The following PICALM variants were observed in gnomAD, a reference collection of about 807,000 sequenced individuals.
PICALM encodes the protein phosphatidylinositol-binding clathrin assembly protein.
A neutral mutation model predicts 80.5 loss-of-function variants in PICALM; 40 were observed. The observed-to-expected ratio is 0.50, with a 90% CI of 0.39 to 0.65. The LOEUF is 0.65. PICALM is among the 30% of genes least tolerant of loss of function. The pLI is 0.00. For synonymous variants in PICALM, 288 were observed against 260.3 expected (o/e 1.11, Z -1.02); for missense variants, 676 against 778.9 (o/e 0.87, Z 1.57).
intron 2 of PICALM, among the ~76,000 whole-genome samples, chr11:86,027,751 G>A (rs1272123297): frequency 6.6e-6 from 1 of 151,900 alleles, no homozygotes; most frequent in East Asian, 1.9e-4. Flanking sequence ...GAACTCTTGG[G>A]CTCAAGCAAT....
intron 1 of PICALM, 127 bp downstream of exon 1, chr11:86,068,524 C>T (rs1156787783): frequency 3.5e-6 from 3 of 849,004 alleles, no homozygotes; most frequent in African/African-American, 1.7e-5. Flanking sequence ...GGCACAGGAC[C>T]GGCCGTGCCA....
intron 12 of PICALM, among the ~76,000 whole-genome samples, chr11:85,993,833 G>A (rs1042155448): frequency 3.9e-5 from 6 of 152,048 alleles, no homozygotes; most frequent in Non-Finnish European, 8.8e-5. Flanking sequence ...TCATATTATC[G>A]CCTTTAAGTC....
chr11:85,973,892 T>C (rs588380), intron 19 of PICALM, among the ~76,000 whole-genome samples: 93,880 of 145,948 alleles, frequency 0.64, 29,356 homozygotes, highest in African/African-American at 0.72. Flanking sequence ...TATAATTAAC[T>C]ACTTCTAGAT....
chr11:85,986,407 G>A (rs1296710208), intron 13 of PICALM, among the ~76,000 whole-genome samples: 11 of 85,584 alleles, frequency 1.3e-4, no homozygotes, highest in South Asian at 4.2e-4. Flanking sequence ...TTTTTGAGAC[G>A]GAGTCTCGCT....
At chr11:86,057,753 G>A (rs2096292067) in intron 1 of PICALM, among the ~76,000 whole-genome samples, 1 of 152,078 alleles carries the variant, frequency 6.6e-6, no homozygotes, top group African/African-American at 2.4e-5. Context: ...TATAACAACT[G>A]TTTATGTAGC....
chr11:85,969,090 G>C (rs2094010858), intron 19 of PICALM, among the ~76,000 whole-genome samples: 1 of 152,006 alleles, frequency 6.6e-6, no homozygotes, highest in South Asian at 2.1e-4. Context: ...CTGAAGAATT[G>C]AATCAAGTCT....
intron 9 of PICALM, among the ~76,000 whole-genome samples, chr11:86,002,961 G>C (rs2095184793): frequency 1.3e-5 from 2 of 152,056 alleles, no homozygotes; most frequent in African/African-American, 4.8e-5. Context: ...CAAGTGAGTT[G>C]AGATTGTGCC....
At chr11:86,067,530 G>GT in intron 1 of PICALM, among the ~76,000 whole-genome samples, 1 of 152,152 alleles carries the variant, frequency 6.6e-6, no homozygotes, top group Non-Finnish European at 1.5e-5. Context: ...TCTACTAATT[G>GT]TATCTACGTT....
At chr11:86,018,128 A>G (rs1032043633) in intron 4 of PICALM, among the ~76,000 whole-genome samples, 1 of 152,208 alleles carries the variant, frequency 6.6e-6, no homozygotes, top group Non-Finnish European at 1.5e-5. Flanking sequence ...ATTCAAACCT[A>G]GATTCATCTG....
intron 1 of PICALM, among the ~76,000 whole-genome samples, chr11:86,053,406 C>CA (rs933972700): frequency 7.2e-5 from 11 of 152,158 alleles, no homozygotes; most frequent in African/African-American, 2.7e-4. Flanking sequence ...CCTGACTATC[C>CA]ACATTGCTGG....
intron 18 of PICALM, among the ~76,000 whole-genome samples, chr11:85,975,422 G>GT (rs1474925193): frequency 6.6e-6 from 1 of 152,042 alleles, no homozygotes; most frequent in Non-Finnish European, 1.5e-5. Context: ...AATTAACCTA[G>GT]TAAGTGACAA....
chr11:86,001,165 TA>T lies in PICALM; in HGVS notation c.894-8del, dbSNP rs778507954. The stretch of plus-strand genomic sequence containing the variant: ...ATTGGAAAGTGTAGTTGCCCTAGGA[TA>T]ATTGAACAGAGATAATTTGGCTTTT... On this transcript the variant is annotated splice_region_variant and splice_polypyrimidine_tract_variant and intron_variant, in intron 9 of 19. Coordinates refer to ENST00000393346, the MANE Select transcript of PICALM (RefSeq NM_007166.4). The T allele has an allele frequency of 1.2e-4, 188 of 1,612,224 alleles. No homozygotes were observed. The Admixed American group carries it at 3.1e-3, about 27-fold the overall frequency.
At chr11:86,049,987 G>A (rs2096152435) in intron 1 of PICALM, among the ~76,000 whole-genome samples, 1 of 151,816 alleles carries the variant, frequency 6.6e-6, no homozygotes, top group Non-Finnish European at 1.5e-5. Context: ...ATCACCTGAA[G>A]TCAGGAGTTC....
At chr11:86,024,222 T>C (rs1333452685) in intron 3 of PICALM, among the ~76,000 whole-genome samples, 2 of 152,034 alleles carry the variant, frequency 1.3e-5, no homozygotes, top group African/African-American at 4.8e-5. Context: ...TAATTTTTTT[T>C]CCTTAAGTTA....
At chr11:85,985,549 A>G (rs1054472233) in intron 13 of PICALM, among the ~76,000 whole-genome samples, 1 of 152,236 alleles carries the variant, frequency 6.6e-6, no homozygotes, top group African/African-American at 2.4e-5. Flanking sequence ...AATTTAGTAT[A>G]TAAATCTTCT....
chr11:86,066,746 C>CAAAAAAAAAA (rs201337814), intron 1 of PICALM, among the ~76,000 whole-genome samples: 1 of 99,102 alleles, frequency 1.0e-5, no homozygotes. Context: ...TACTCCCATA[C>CAAAAAAAAAA]AAAAAAAAAA....
intron 1 of PICALM, among the ~76,000 whole-genome samples, chr11:86,047,205 T>C (rs2096088213): frequency 1.3e-5 from 2 of 152,192 alleles, no homozygotes; most frequent in Non-Finnish European, 2.9e-5. Context: ...GACTTATCAT[T>C]TTCTCTAATT....
At chr11:86,056,029 G>A (rs902928151) in intron 1 of PICALM, among the ~76,000 whole-genome samples, 6 of 149,188 alleles carry the variant, frequency 4.0e-5, no homozygotes, top group Non-Finnish European at 7.4e-5. Context: ...CCAGCTACTC[G>A]GGAGGCTAAG....
chr11:86,043,494 G>A lies in PICALM; in HGVS notation c.131-11883C>T, dbSNP rs542409785. 2.0e-5 allele frequency among the ~76,000 whole-genome samples: 3 copies of A among 152,116 alleles called. No individual in the cohort carries two copies. In the East Asian group the frequency reaches 5.8e-4, roughly 29 times the overall value. ...ACCTCTGTGTCCAAAAACATCTCAC[G>A]TTTAAAAAACAAGAACATGGTCTCA... On this transcript the variant is annotated intron_variant, in intron 1 of 19. Transcript: ENST00000393346.
Sources: allele counts gnomAD v4.1 joint callset (sites outside exome capture counted in the v4.1 genomes callset), GRCh38; gene constraint gnomAD v4.1.1; transcripts MANE v1.5; gene names NCBI Gene and HGNC (gene_info 2026-07-23, HGNC 2026-07-21).